The following ERMP1 variants were observed in gnomAD, a reference collection of about 807,000 sequenced individuals.
ERMP1 encodes endoplasmic reticulum metallopeptidase 1.
A neutral mutation model predicts 92.0 loss-of-function variants in ERMP1; 86 were observed. The ratio of observed to expected loss-of-function variants is 0.93; its 90% CI spans 0.79 to 1.12. ERMP1 has a LOEUF of 1.12. ERMP1 is among the 50% of genes most tolerant of loss of function. The probability of loss-of-function intolerance (pLI) is 0.00; values close to 1 mark genes in which losing one functional copy is unlikely to be tolerated. For synonymous variants in ERMP1, 530 were observed against 412.8 expected (o/e 1.28, Z -3.44); for missense variants, 1,342 against 1,116.3 (o/e 1.20, Z -2.88).
At chr9:5,814,796 C>T (rs763448156) in intron 4 of ERMP1, among the ~76,000 whole-genome samples, 1 of 152,024 alleles carries the variant, frequency 6.6e-6, no homozygotes, top group Admixed American at 6.6e-5. Context: ...AACAGACATA[C>T]AAGTAATCCA....
upstream of ERMP1, among the ~76,000 whole-genome samples, chr9:5,835,350 A>G (rs200466680): frequency 6.7e-6 from 1 of 150,354 alleles, no homozygotes; most frequent in Non-Finnish European, 1.5e-5. Context: ...GAGACAATGA[A>G]CGCGCGCGCG....
intron 8 of ERMP1, among the ~76,000 whole-genome samples, chr9:5,809,219 A>G (rs1044908155): frequency 6.6e-6 from 1 of 151,086 alleles, no homozygotes; most frequent in South Asian, 2.1e-4. Flanking sequence ...ACGGGGTTTC[A>G]CCGTGTTAGC....
Position 5,825,080 on chromosome 9 carries a change from G to C in ERMP1, c.768+12C>G. On this transcript the variant is annotated intron_variant, in intron 3 of 14. Transcript: ENST00000339450. ...TTATTCAAGCCTGATATTTAAAACAGTAAAATCTCACTTGCAAGACATTTT... is the reference window on the plus strand; with the variant it reads ...TTATTCAAGCCTGATATTTAAAACACTAAAATCTCACTTGCAAGACATTTT... 6.2e-7 allele frequency: 1 copy of C among 1,612,606 alleles called. No homozygotes were observed. The highest frequency in any genetic ancestry group is 8.5e-7 in the Non-Finnish European group (1 of 1,178,812).
chr9:5,789,286 A>G (rs1210525753), intron 13 of ERMP1, among the ~76,000 whole-genome samples: 3 of 152,224 alleles, frequency 2.0e-5, no homozygotes, highest in Non-Finnish European at 2.9e-5. Context: ...GTTTGATCAA[A>G]TAACTTACAA....
chr9:5,803,198 C>A (rs1217327557), intron 10 of ERMP1, among the ~76,000 whole-genome samples: 1 of 152,198 alleles, frequency 6.6e-6, no homozygotes, highest in Non-Finnish European at 1.5e-5. Context: ...CAGTCTTACT[C>A]TATTAATAAG....
At position 5,853,044 on chromosome 9, in the gene ERMP1, G is replaced by A. The variant is rs182596111; in HGVS notation, n.3199+6424C>T. 3.3e-5 allele frequency among the ~76,000 whole-genome samples: 5 copies of A among 152,284 alleles called. No individual in the cohort carries two copies. In the South Asian group the frequency reaches 6.2e-4, roughly 19 times the overall value. On this transcript the variant is annotated intron_variant and non_coding_transcript_variant, in intron 6 of 6. Coordinates refer to the ERMP1 transcript ENST00000690753. ...CATCTATTTTATGGACAAAGGAAACGGGTTTGGGCTTCTGGGGGTGAAAAA... is the reference window on the plus strand; with the variant it reads ...CATCTATTTTATGGACAAAGGAAACAGGTTTGGGCTTCTGGGGGTGAAAAA...
chr9:5,863,830 C>T (rs1417640418), intron 5 of ERMP1, among the ~76,000 whole-genome samples: 2 of 152,134 alleles, frequency 1.3e-5, no homozygotes, highest in African/African-American at 2.4e-5. Context: ...TTATAACTGG[C>T]TTCTTTCACA....
At chr9:5,797,373 G>A (rs1163100764) in intron 13 of ERMP1, among the ~76,000 whole-genome samples, 1 of 151,964 alleles carries the variant, frequency 6.6e-6, no homozygotes, top group African/African-American at 2.4e-5. Flanking sequence ...GCTTTGGCCG[G>A]GCGTGGTGGC....
chr9:5,805,695 G>C lies in ERMP1; in HGVS notation c.1639C>G (p.Leu547Val). Reference protein sequence around the residue: ...CFLVTLTYQGLCSAFISAVWV... With the variant: ...CFLVTLTYQGVCSAFISAVWV... ...ACAGCACTAATAAACGCCGAGCAAA[G>C]TCCTTGGTAAGTGAGGGTAACAAGA... Residue 547 changes from leucine to valine, a missense_variant, in exon 9 of 15, where the codon CTT becomes GTT. Transcript: ENST00000339450. 3 of 1,613,708 alleles carry C rather than the reference G, an allele frequency of 1.9e-6. No individual in the cohort carries two copies. The highest frequency in any genetic ancestry group is 2.5e-6 in the Non-Finnish European group (3 of 1,179,886).
intron 6 of ERMP1, among the ~76,000 whole-genome samples, chr9:5,850,090 A>G (rs1299191859): frequency 6.6e-6 from 1 of 152,208 alleles, no homozygotes; most frequent in Non-Finnish European, 1.5e-5. Context: ...TGCTGTTATC[A>G]GAGCAGGCCA....
At chr9:5,788,887 T>C (rs556863262) in intron 13 of ERMP1, among the ~76,000 whole-genome samples, 119 of 152,074 alleles carry the variant, frequency 7.8e-4, no homozygotes, top group African/African-American at 2.8e-3. Flanking sequence ...CAAAATTACC[T>C]TAGAAATGAA....
At chr9:5,814,950 C>G (rs1289941310) in intron 4 of ERMP1, among the ~76,000 whole-genome samples, 2 of 151,982 alleles carry the variant, frequency 1.3e-5, no homozygotes, top group African/African-American at 4.8e-5. Flanking sequence ...AAAAACATAA[C>G]TGATGTTGCG....
chr9:5,831,670 T>C (rs970309563), intron 1 of ERMP1, among the ~76,000 whole-genome samples: 1 of 152,176 alleles, frequency 6.6e-6, no homozygotes, highest in African/African-American at 2.4e-5. Flanking sequence ...TGCATACTCC[T>C]GAACGTTACA....
chr9:5,834,959 T>TGATACATA (rs1554627494), upstream of ERMP1, among the ~76,000 whole-genome samples: 1 of 143,464 alleles, frequency 7.0e-6, no homozygotes, highest in Non-Finnish European at 1.5e-5. Flanking sequence ...GATAGACAGA[T>TGATACATA]GATAGATGGA....
chr9:5,826,417 T>C (rs1829733822), intron 2 of ERMP1, among the ~76,000 whole-genome samples: 1 of 152,204 alleles, frequency 6.6e-6, no homozygotes, highest in Admixed American at 6.5e-5. Flanking sequence ...AAGCTAATGA[T>C]ACCTACCTCA....
intron 6 of ERMP1, among the ~76,000 whole-genome samples, chr9:5,853,616 G>C (rs1349794312): frequency 1.3e-5 from 2 of 152,006 alleles, no homozygotes; most frequent in Non-Finnish European, 1.5e-5. Flanking sequence ...AAGCCAGGCA[G>C]ATGGGAGTTA....
intron 10 of ERMP1, among the ~76,000 whole-genome samples, chr9:5,803,505 G>C (rs1258334533): frequency 6.6e-6 from 1 of 151,836 alleles, no homozygotes; most frequent in Admixed American, 6.6e-5. Flanking sequence ...ATTATCAGTG[G>C]AACAGAATTT....
chr9:5,805,482 G>T, intron 9 of ERMP1, 129 bp downstream of exon 9: 1 of 738,800 alleles, frequency 1.4e-6, no homozygotes, highest in Non-Finnish European at 2.1e-6. Flanking sequence ...TAATTTGTGT[G>T]GTATGAAAAC....
At chr9:5,832,218 T>C (rs1028113960) in intron 1 of ERMP1, among the ~76,000 whole-genome samples, 4 of 152,142 alleles carry the variant, frequency 2.6e-5, no homozygotes, top group Admixed American at 6.5e-5. Flanking sequence ...AGAGTTTCTA[T>C]AGCCTTCAGA....
Sources: allele counts gnomAD v4.1 joint callset (sites outside exome capture counted in the v4.1 genomes callset), GRCh38; gene constraint gnomAD v4.1.1; transcripts MANE v1.5; gene names NCBI Gene and HGNC (gene_info 2026-07-23, HGNC 2026-07-21).